KIRREL3: variants seen among roughly 807,000 people sequenced by gnomAD.
KIRREL3 encodes the protein kirre like nephrin family adhesion molecule 3.
Under a neutral mutation model 89.7 loss-of-function variants are expected in KIRREL3, and 36 were observed. That is an observed-to-expected ratio of 0.40 (90% CI 0.31 to 0.53). The LOEUF (loss-of-function observed/expected upper bound fraction) is 0.53. Among genes scored for constraint, KIRREL3 ranks in the 20% least tolerant of loss-of-function variants. KIRREL3 has a pLI of 0.49. For missense variants in KIRREL3, 864 were observed against 1,056.6 expected, an observed-to-expected ratio of 0.82 and a Z score of 2.53; for synonymous variants, 445 against 441.4, an observed-to-expected ratio of 1.01 and a Z score of -0.10.
In KIRREL3 at chr11:126,526,451, T is replaced by A; in HGVS notation, c.283+87A>T. 1 of 1,313,066 alleles carries A rather than the reference T, an allele frequency of 7.6e-7. No homozygotes were observed. The highest frequency in any genetic ancestry group is 1.1e-6 in the Non-Finnish European group (1 of 946,980). The allele number at this position is 1,313,066 out of a possible 1,614,324, so 81.3% of individuals were successfully genotyped here. On this transcript the variant is annotated intron_variant, in intron 3 of 16. Transcript: ENST00000525144. This position sits in a 1 kb window ranked among gnomAD's most constrained non-coding sequence, Gnocchi z 5.7. ...TAGAGATTCGATACTCAGACACCTG[T>A]GAAGATGGGTGCTCCCTAGGAAGGT... is the stretch of plus-strand genomic sequence containing the variant.
Position 126,636,701 on chromosome 11 carries a change from G to A in KIRREL3, c.56-73789C>T, listed in dbSNP as rs1194400193. On this transcript the variant is annotated intron_variant, in intron 1 of 16. Coordinates refer to ENST00000525144, the MANE Select transcript of KIRREL3 (RefSeq NM_032531.4). The surrounding 1 kb of genome is among the most constrained non-coding windows in gnomAD (Gnocchi z 4.4). Reference sequence around the variant, plus strand: ...TCTGCCTGAGACCTTTGTTTTGCTGGTTACGGTTGTGGCCTGATGGGCTAA... The same window carrying A: ...TCTGCCTGAGACCTTTGTTTTGCTGATTACGGTTGTGGCCTGATGGGCTAA... Among the ~76,000 whole-genome samples the A allele has an allele frequency of 6.6e-6, 1 of 152,172 alleles. No homozygotes were observed. Among genetic ancestry groups the A allele is most frequent in the Non-Finnish European group, 1.5e-5 (1 of 68,038 alleles).
rs79566247 is a variant in KIRREL3, at chr11:126,892,549, C to T, written c.55+107906G>A. On this transcript the variant is annotated intron_variant, in intron 1 of 16. Transcript: ENST00000525144. The surrounding 1 kb of genome is among the most constrained non-coding windows in gnomAD (Gnocchi z 5.4). ...TGATTTTCTTTTCACAGCCTTATTA[C>T]AAATGCTGAGCACAGCTAGAAGTAA... 1.3e-4 allele frequency among the ~76,000 whole-genome samples: 20 copies of T among 152,158 alleles called. No individual in the cohort carries two copies. Among genetic ancestry groups the T allele is most frequent in the Non-Finnish European group, 1.5e-5 (1 of 68,034 alleles).
At position 126,475,824 on chromosome 11, in the gene KIRREL3, T is replaced by G. The variant is rs1316828059; in HGVS notation, c.434-2358A>C. On this transcript the variant is annotated intron_variant, in intron 4 of 16. Coordinates refer to ENST00000525144, the MANE Select transcript of KIRREL3 (RefSeq NM_032531.4). This position sits in a 1 kb window ranked among gnomAD's most constrained non-coding sequence, Gnocchi z 7.5. ...ACTTGTGGAGGAGGGGAATTGCATCTCCACGCGGTGAGTGGGGGACTTGCA... is the reference window on the plus strand; with the variant it reads ...ACTTGTGGAGGAGGGGAATTGCATCGCCACGCGGTGAGTGGGGGACTTGCA... Among the ~76,000 whole-genome samples, 3 of 152,174 alleles carry G rather than the reference T, an allele frequency of 2.0e-5. No homozygotes were observed. Among genetic ancestry groups the G allele is most frequent in the Non-Finnish European group, 4.4e-5 (3 of 68,020 alleles).
rs574671061 is a variant in KIRREL3, at chr11:126,577,842, G to A, written c.56-14930C>T. Among the ~76,000 whole-genome samples, 6 of 152,132 alleles carry A rather than the reference G, an allele frequency of 3.9e-5. No homozygotes were observed. In the South Asian group the frequency reaches 1.0e-3, roughly 26 times the overall value. ...ACCTTCAGAGAGAATAGCTGAGTGA[G>A]AAGCTGTGTGAAACTGCCCAGTTCT... On this transcript the variant is annotated intron_variant, in intron 1 of 16. Transcript: ENST00000525144.
intron 6 of KIRREL3, 96 bp from the exon 7 acceptor site, chr11:126,456,550 C>T (rs559229331): frequency 7.5e-6 from 6 of 800,190 alleles, no homozygotes; most frequent in South Asian, 1.7e-5. Flanking sequence ...CTCCACCACC[C>T]AGGGACCCTC....
At chr11:126,947,179 C>G (rs1179084905) in intron 1 of KIRREL3, among the ~76,000 whole-genome samples, 1 of 152,164 alleles carries the variant, frequency 6.6e-6, no homozygotes, top group African/African-American at 2.4e-5. Context: ...ATGGCAGTCC[C>G]CTTCACTATG....
intron 7 of KIRREL3, among the ~76,000 whole-genome samples, chr11:126,450,938 TGG>T (rs1565463125): frequency 1.3e-5 from 2 of 150,516 alleles, no homozygotes; most frequent in African/African-American, 2.4e-5. Context: ...TGCATGTGTG[TGG>T]GCGTGTGTGC....
At position 126,879,932 on chromosome 11, in the gene KIRREL3, A is replaced by T. The variant is rs1945431759; in HGVS notation, c.55+120523T>A. Among the ~76,000 whole-genome samples the T allele has an allele frequency of 6.6e-6, 1 of 152,148 alleles. No individual in the cohort carries two copies. Among genetic ancestry groups the T allele is most frequent in the Non-Finnish European group, 1.5e-5 (1 of 68,022 alleles). ...CCACCACCCCGCCGCCATCTCAGTT[A>T]TTCAAGAAGGAAGCCATGGTATGTA... On this transcript the variant is annotated intron_variant, in intron 1 of 16. Coordinates refer to ENST00000525144, the MANE Select transcript of KIRREL3 (RefSeq NM_032531.4). The surrounding 1 kb of genome is among the most constrained non-coding windows in gnomAD (Gnocchi z 5.4).
Position 126,892,182 on chromosome 11 carries a change from AT to A in KIRREL3, c.55+108272del, listed in dbSNP as rs904763201. On this transcript the variant is annotated intron_variant, in intron 1 of 16. Transcript: ENST00000525144. The surrounding 1 kb of genome is among the most constrained non-coding windows in gnomAD (Gnocchi z 5.4). Reference sequence around the variant, plus strand: ...TAGAAGCTTTCCTTTCCTAATTGAAATTTTACAGGGAACAATATTTAAAATA... The same window carrying A: ...TAGAAGCTTTCCTTTCCTAATTGAAATTTACAGGGAACAATATTTAAAATA... Among the ~76,000 whole-genome samples, 1 of 152,108 alleles carries A rather than the reference AT, an allele frequency of 6.6e-6. No individual in the cohort carries two copies. The highest frequency in any genetic ancestry group is 2.4e-5 in the African/African-American group (1 of 41,406).
intron 1 of KIRREL3, among the ~76,000 whole-genome samples, chr11:126,863,614 CGTGT>C (rs372426537): frequency 1.1e-4 from 2 of 18,842 alleles, no homozygotes; most frequent in Non-Finnish European, 1.7e-4. Context: ...TGTTTGCGTG[CGTGT>C]GTGTGTGTTT....
chr11:126,801,785 A>G (rs1369130385), intron 1 of KIRREL3, among the ~76,000 whole-genome samples: 1 of 152,162 alleles, frequency 6.6e-6, no homozygotes, highest in East Asian at 1.9e-4. Flanking sequence ...TTGAAATACA[A>G]AGTCATGCTG....
intron 1 of KIRREL3, among the ~76,000 whole-genome samples, chr11:126,801,028 AC>A (rs1490251978): frequency 6.6e-6 from 1 of 152,192 alleles, no homozygotes; most frequent in Non-Finnish European, 1.5e-5. Flanking sequence ...ATGCGTGCCC[AC>A]ATACCTGACA....
intron 1 of KIRREL3, among the ~76,000 whole-genome samples, chr11:126,737,582 A>G (rs1271236597): frequency 3.9e-5 from 6 of 152,162 alleles, no homozygotes; most frequent in Non-Finnish European, 1.5e-5. Flanking sequence ...CGATGGCAGT[A>G]ATACCCGTGC....
chr11:126,465,666 CCTGGGACTCAGGG>C (rs1956698774), intron 5 of KIRREL3, among the ~76,000 whole-genome samples: 1 of 152,162 alleles, frequency 6.6e-6, no homozygotes, highest in Admixed American at 6.5e-5. Context: ...CAGCTGCAGG[CCTGGGACTCAGGG>C]TGCCAGCCAC....
chr11:126,993,640 G>A lies in KIRREL3; in HGVS notation c.55+6815C>T, dbSNP rs1565485351. 6.6e-5 allele frequency among the ~76,000 whole-genome samples: 10 copies of A among 152,196 alleles called. No homozygotes were observed. The South Asian group carries it at 2.1e-3, about 31-fold the overall frequency. ...CAGAAACATGGTCTTCATTATCTTT[G>A]CATCAAAAGCCCCAGCACAGTGCCT... On this transcript the variant is annotated intron_variant, in intron 1 of 16. Coordinates refer to ENST00000525144, the MANE Select transcript of KIRREL3 (RefSeq NM_032531.4). The surrounding 1 kb of genome is among the most constrained non-coding windows in gnomAD (Gnocchi z 6.1).
chr11:126,542,907 G>A (rs563548850), intron 2 of KIRREL3, among the ~76,000 whole-genome samples: 40 of 152,254 alleles, frequency 2.6e-4, no homozygotes, highest in African/African-American at 7.2e-4. Context: ...ATTGTGGGCC[G>A]TCTTCTGGTG....
intron 1 of KIRREL3, among the ~76,000 whole-genome samples, chr11:126,818,312 A>G (rs1951650433): frequency 6.6e-6 from 1 of 152,160 alleles, no homozygotes; most frequent in Non-Finnish European, 1.5e-5. Context: ...GGAAGAGTGA[A>G]GAAAGTAAGT....
chr11:126,629,145 T>C lies in KIRREL3; in HGVS notation c.56-66233A>G, dbSNP rs180973515. Among the ~76,000 whole-genome samples, 200 of 152,214 alleles carry C rather than the reference T, an allele frequency of 1.3e-3. 2 individuals are homozygous for C. Among genetic ancestry groups the C allele is most frequent in the Non-Finnish European group, 2.0e-3 (136 of 68,012 alleles). On this transcript the variant is annotated intron_variant, in intron 1 of 16. Transcript: ENST00000525144. Reference sequence around the variant, plus strand: ...TTCTGGACCAGGCCTGTGCAAAAAATGTGCGTCTCATATTTCCCTTGATTT... The same window carrying C: ...TTCTGGACCAGGCCTGTGCAAAAAACGTGCGTCTCATATTTCCCTTGATTT...
At chr11:126,886,385 A>G (rs915889883) in intron 1 of KIRREL3, among the ~76,000 whole-genome samples, 1 of 152,150 alleles carries the variant, frequency 6.6e-6, no homozygotes, top group African/African-American at 2.4e-5. Context: ...CCTCAGCCCC[A>G]CTGTATCTCC....
Sources: gnomAD v4.1 joint callset for allele counts (sites outside exome capture counted in the v4.1 genomes callset) on GRCh38, gnomAD v4.1.1 for gene constraint, Gnocchi (gnomAD v3.1) non-coding constraint, MANE v1.5 for transcripts, NCBI Gene and HGNC (gene_info 2026-07-23, HGNC 2026-07-21) for gene names.